Variants in IDH3A observed in about 807,000 individuals in gnomAD.
IDH3A encodes isocitrate dehydrogenase (NAD(+)) 3 catalytic subunit alpha.
In IDH3A, 23 loss-of-function variants were observed where a neutral mutation model predicts 43.3. That is an observed-to-expected ratio of 0.53 (90% CI 0.38 to 0.75). The LOEUF (loss-of-function observed/expected upper bound fraction) is 0.75. IDH3A is among the 30% of genes least tolerant of loss of function. The probability of loss-of-function intolerance (pLI) is 0.00; values close to 1 mark genes in which losing one functional copy is unlikely to be tolerated. For missense variants in IDH3A, 329 were observed against 474.4 expected, an observed-to-expected ratio of 0.69 and a Z score of 2.85; for synonymous variants, 154 against 163.5, an observed-to-expected ratio of 0.94 and a Z score of 0.44.
At chr15:78,164,594 T>C (rs917088875) in intron 8 of IDH3A, among the ~76,000 whole-genome samples, 3 of 152,166 alleles carry the variant, frequency 2.0e-5, no homozygotes, top group Non-Finnish European at 2.9e-5. Flanking sequence ...TCAAGTGATC[T>C]GCCCACCTTG....
Position 78,171,579 on chromosome 15 carries a change from T to C in IDH3A, c.*2574T>C. ...AGTGAGGCCCAGGCTCTGAGAACTC[T>C]GAGAATGTGTGTGGTAAAGACTCAC... On this transcript the variant is annotated 3_prime_UTR_variant, in exon 11 of 11. Coordinates refer to ENST00000299518, the MANE Select transcript of IDH3A (RefSeq NM_005530.3). 6.8e-7 allele frequency: 1 copy of C among 1,468,550 alleles called. No homozygotes were observed. Among genetic ancestry groups the C allele is most frequent in the Non-Finnish European group, 9.5e-7 (1 of 1,048,420 alleles). The allele number at this position is 1,468,550 out of a possible 1,614,324, so 91.0% of individuals were successfully genotyped here. A position where few individuals can be genotyped will look rare whatever the true frequency, so the allele number is the denominator to read the frequency against.
intron 2 of IDH3A, chr15:78,157,025 A>C: frequency 7.7e-7 from 1 of 1,292,070 alleles, no homozygotes; most frequent in African/African-American, 1.5e-5. Flanking sequence ...CTGAGTACCA[A>C]AACAGACCTC....
At chr15:78,152,047 C>T (rs1387379973) in intron 1 of IDH3A, among the ~76,000 whole-genome samples, 21 of 123,906 alleles carry the variant, frequency 1.7e-4, no homozygotes, top group African/African-American at 6.4e-4. Flanking sequence ...GGACTCATGT[C>T]AATTTTTTTT....
chr15:78,167,629 A>G (rs878884500), intron 10 of IDH3A: 4 of 152,098 alleles, frequency 2.6e-5, no homozygotes, highest in Non-Finnish European at 4.4e-5. Flanking sequence ...TCATTTTCTC[A>G]AACTGAGACT....
At position 78,150,070 on chromosome 15, in the gene IDH3A, A is replaced by G. The variant is rs1405020533; in HGVS notation, c.27+640A>G. On this transcript the variant is annotated intron_variant, in intron 1 of 10. Transcript: ENST00000299518. ...ATAGGGCATCTTACACCTCGGAATT[A>G]CCGTCTGAACCTTCGGAGAGAGAGA... Among the ~76,000 whole-genome samples the G allele has an allele frequency of 2.0e-5, 3 of 152,208 alleles. No individual in the cohort carries two copies. In the East Asian group the frequency reaches 5.8e-4, roughly 29 times the overall value.
chr15:78,163,846 T>C, intron 8 of IDH3A, 66 bp downstream of exon 8: 4 of 1,005,388 alleles, frequency 4.0e-6, no homozygotes, highest in South Asian at 1.3e-5. Context: ...AAAATAATTA[T>C]GGCTTAACAT....
At chr15:78,152,103 G>T (rs893360707) in intron 1 of IDH3A, among the ~76,000 whole-genome samples, 2 of 141,284 alleles carry the variant, frequency 1.4e-5, no homozygotes, top group African/African-American at 5.3e-5. Flanking sequence ...CTGTTGCCCA[G>T]GCTGGAGTGG....
chr15:78,153,286 G>C (rs2074594514), intron 1 of IDH3A, among the ~76,000 whole-genome samples: 1 of 152,116 alleles, frequency 6.6e-6, no homozygotes, highest in Admixed American at 6.6e-5. Flanking sequence ...GTAGAGACAG[G>C]GTCTCACTTT....
intron 1 of IDH3A, among the ~76,000 whole-genome samples, chr15:78,149,767 G>A (rs978529826): frequency 4.6e-5 from 7 of 152,254 alleles, no homozygotes; most frequent in African/African-American, 1.7e-4. Context: ...GCCCGGGAAG[G>A]TCACGGGAGC....
chr15:78,160,136 A>G lies in IDH3A; in HGVS notation c.219A>G (p.Gly73=), dbSNP rs549808701. 1 of 1,613,848 alleles carries G rather than the reference A, an allele frequency of 6.2e-7. No homozygotes were observed. Among genetic ancestry groups the G allele is most frequent in the South Asian group, 1.1e-5 (1 of 91,082 alleles). ...WEERNVTAIQ[G]PGGKWMIPSE... Reference sequence around the variant, plus strand: ...AGCGGAACGTCACTGCCATTCAAGGACCTGGAGGAAAGTGGATGATCCCTT... The same window carrying G: ...AGCGGAACGTCACTGCCATTCAAGGGCCTGGAGGAAAGTGGATGATCCCTT... The change falls in exon 4 of 11, where the codon GGA becomes GGG. Residue 73 remains glycine (G), a synonymous_variant. Coordinates refer to ENST00000299518, the MANE Select transcript of IDH3A (RefSeq NM_005530.3).
rs1179668247 is a variant in IDH3A at position 78,169,139 on chromosome 15, A to C, written c.*134A>C. 10 of 520,650 alleles carry C rather than the reference A, an allele frequency of 1.9e-5. No individual in the cohort carries two copies. The highest frequency in any genetic ancestry group is 3.4e-5 in the Non-Finnish European group (10 of 298,164). The allele number at this position is 520,650 out of a possible 1,614,324, so 32.3% of individuals were successfully genotyped here. ...CATTTTTAGATCTGGCCTTTTCTTA[A>C]CAAAATCTGTGCAAAAGATGCAGGT... On this transcript the variant is annotated 3_prime_UTR_variant, in exon 11 of 11. Transcript: ENST00000299518.
intron 6 of IDH3A, among the ~76,000 whole-genome samples, chr15:78,163,280 T>TA (rs1323952409): frequency 6.6e-6 from 1 of 152,222 alleles, no homozygotes; most frequent in African/African-American, 2.4e-5. Flanking sequence ...TCTTCTCTGT[T>TA]ATGATCAAAC....
chr15:78,153,317 G>A (rs1250604700), intron 1 of IDH3A, among the ~76,000 whole-genome samples: 1 of 152,168 alleles, frequency 6.6e-6, no homozygotes, highest in African/African-American at 2.4e-5. Context: ...CTGGTTGGTT[G>A]GGTCTTCTGT....
At chr15:78,164,354 AT>A (rs144772337) in intron 8 of IDH3A, among the ~76,000 whole-genome samples, 7,575 of 116,474 alleles carry the variant, frequency 0.065, 246 homozygotes, top group Non-Finnish European at 0.091. Context: ...GGTGATTTTC[AT>A]TTTTTTTTTT....
In IDH3A at chr15:78,162,246, G is replaced by A; in HGVS notation, c.490G>A (p.Val164Ile). Residue 164 changes from valine to isoleucine, a missense_variant, in exon 6 of 11, where the codon GTC becomes ATC. Val to Ile is a conservative substitution (Grantham distance 29, BLOSUM62 3). Transcript: ENST00000299518. ...SGIEHVIVDG[V>I]VQSIKLITEG... is the part of the protein sequence containing the mutation. The stretch of plus-strand genomic sequence containing the variant: ...TCCTGTCTTGCAGATTGTTGATGGA[G>A]TCGTGCAGAGTATCAAGCTCATCAC... 6.2e-7 allele frequency: 1 copy of A among 1,614,210 alleles called. No individual in the cohort carries two copies. The highest frequency in any genetic ancestry group is 8.5e-7 in the Non-Finnish European group (1 of 1,180,038).
At position 78,155,295 on chromosome 15, in the gene IDH3A, T is replaced by C. The variant is rs754861282; in HGVS notation, c.90+20T>C. On this transcript the variant is annotated intron_variant, in intron 2 of 10. Coordinates refer to ENST00000299518, the MANE Select transcript of IDH3A (RefSeq NM_005530.3). ...GGTGGTGTGAGTATAATTATGTCTT[T>C]TATTTTTTCCTTTTAGAAGTTTCTC... 5 of 1,571,926 alleles carry C rather than the reference T, an allele frequency of 3.2e-6. No homozygotes were observed. Among genetic ancestry groups the C allele is most frequent in the South Asian group, 1.1e-5 (1 of 88,562 alleles).
At position 78,171,213 on chromosome 15, in the gene IDH3A, A is replaced by G; in HGVS notation, c.*2208A>G. The G allele has an allele frequency of 7.7e-6, 3 of 387,414 alleles. No individual in the cohort carries two copies. In the South Asian group the frequency reaches 1.1e-4, roughly 15 times the overall value. The allele number at this position is 387,414 out of a possible 1,614,324, so 24.0% of individuals were successfully genotyped here. A position where few individuals can be genotyped will look rare whatever the true frequency, so the allele number is the denominator to read the frequency against. ...AGCTGATCTCATTTGTCACCTGAAC[A>G]AAAAGCAATACTTAAACTGAATTAA... On this transcript the variant is annotated 3_prime_UTR_variant, in exon 11 of 11. Coordinates refer to ENST00000299518, the MANE Select transcript of IDH3A (RefSeq NM_005530.3).
At chr15:78,153,484 A>G (rs1227124428) in intron 1 of IDH3A, among the ~76,000 whole-genome samples, 1 of 152,224 alleles carries the variant, frequency 6.6e-6, no homozygotes, top group Non-Finnish European at 1.5e-5. Flanking sequence ...CCTAGGATTA[A>G]CATTTTGGCC....
Position 78,161,905 on chromosome 15 carries a change from C to A in IDH3A, c.477+137C>A. The A allele has an allele frequency of 1.3e-6, 1 of 787,926 alleles. No homozygotes were observed. Among genetic ancestry groups the A allele is most frequent in the Non-Finnish European group, 2.1e-6 (1 of 481,380 alleles). 48.8% of individuals were successfully genotyped at this position (787,926 alleles called of 1,614,324 possible). Reference sequence around the variant, plus strand: ...GGTGCTGGGTGTCTGGCTGACAGTACTCAAACAAATGTAAGGCATGGTGGT... The same window carrying A: ...GGTGCTGGGTGTCTGGCTGACAGTAATCAAACAAATGTAAGGCATGGTGGT... On this transcript the variant is annotated intron_variant, in intron 5 of 10. Coordinates refer to ENST00000299518, the MANE Select transcript of IDH3A (RefSeq NM_005530.3). This position sits in a 1 kb window ranked among gnomAD's most constrained non-coding sequence, Gnocchi z 4.8.
Sources: gnomAD v4.1 joint callset for allele counts (sites outside exome capture counted in the v4.1 genomes callset) on GRCh38, gnomAD v4.1.1 for gene constraint, Gnocchi (gnomAD v3.1) non-coding constraint, MANE v1.5 for transcripts, NCBI Gene and HGNC (gene_info 2026-07-23, HGNC 2026-07-21) for gene names.